Variants in KIAA0825 observed in about 807,000 individuals in gnomAD.
KIAA0825 encodes the protein KIAA0825, also known as uncharacterized protein KIAA0825.
Under a neutral mutation model 147.6 loss-of-function variants are expected in KIAA0825, and 119 were observed. The ratio of observed to expected loss-of-function variants is 0.81; its 90% CI spans 0.69 to 0.94. The LOEUF (loss-of-function observed/expected upper bound fraction) is 0.94, where lower values mean the gene tolerates loss of function less well. KIAA0825 is among the 40% of genes least tolerant of loss of function. The pLI is 0.00. For synonymous variants in KIAA0825, 470 were observed against 518.1 expected, an observed-to-expected ratio of 0.91 and a Z score of 1.26; for missense variants, 1,381 against 1,472.7, an observed-to-expected ratio of 0.94 and a Z score of 1.02.
At chr5:94,567,739 C>T (rs1778979610) in intron 2 of KIAA0825, 1 of 152,608 alleles carries the variant, frequency 6.6e-6, no homozygotes, top group Admixed American at 6.5e-5. Flanking sequence ...AAATACTCCT[C>T]CTAAACACTA....
At chr5:94,320,988 T>C (rs976506660) in intron 20 of KIAA0825, among the ~76,000 whole-genome samples, 34 of 152,090 alleles carry the variant, frequency 2.2e-4, no homozygotes, top group African/African-American at 8.0e-4. Context: ...TGACAAATTC[T>C]TTACTCTTAT....
chr5:94,356,974 C>T (rs901484866), intron 20 of KIAA0825, among the ~76,000 whole-genome samples: 2 of 151,954 alleles, frequency 1.3e-5, no homozygotes, highest in Non-Finnish European at 2.9e-5. Flanking sequence ...CCACCAGCCT[C>T]GGCCTCCCAA....
chr5:94,318,005 A>G (rs962231039), intron 20 of KIAA0825, among the ~76,000 whole-genome samples: 79 of 151,736 alleles, frequency 5.2e-4, no homozygotes, highest in African/African-American at 1.8e-3. Context: ...AAAAAAACAA[A>G]TGCCCAATTC....
chr5:94,542,576 G>A (rs965522808), intron 2 of KIAA0825, among the ~76,000 whole-genome samples: 3 of 152,302 alleles, frequency 2.0e-5, no homozygotes, highest in Non-Finnish European at 2.9e-5. Flanking sequence ...GGAGTCCGAG[G>A]CAGAGGGATC....
At chr5:94,207,096 C>T (rs1772269543) in intron 20 of KIAA0825, among the ~76,000 whole-genome samples, 1 of 152,088 alleles carries the variant, frequency 6.6e-6, no homozygotes. Context: ...GTTCTTTTCT[C>T]CTAATTAGGT....
At chr5:94,397,665 C>T (rs1297940287) in intron 16 of KIAA0825, among the ~76,000 whole-genome samples, 9 of 152,058 alleles carry the variant, frequency 5.9e-5, no homozygotes, top group African/African-American at 2.2e-4. Flanking sequence ...GGTGTTTAGC[C>T]ACATCTCTGG....
At chr5:94,445,977 C>T (rs780958029) in intron 13 of KIAA0825, among the ~76,000 whole-genome samples, 32 of 152,212 alleles carry the variant, frequency 2.1e-4, no homozygotes, top group South Asian at 1.5e-3. Flanking sequence ...TCCTCAGTCC[C>T]GCAGAGCAGT....
intron 20 of KIAA0825, among the ~76,000 whole-genome samples, chr5:94,196,785 C>A (rs573517935): frequency 6.7e-4 from 102 of 152,278 alleles, no homozygotes; most frequent in African/African-American, 2.3e-3. Context: ...CATGTTGCTG[C>A]AAAGAACATT....
intron 20 of KIAA0825, among the ~76,000 whole-genome samples, chr5:94,296,794 C>G (rs1317546496): frequency 6.6e-6 from 1 of 152,152 alleles, no homozygotes. Flanking sequence ...CACCTGCCTT[C>G]TGCATTGATC....
At chr5:94,431,165 CTAACA>C (rs1454771825) in intron 14 of KIAA0825, among the ~76,000 whole-genome samples, 1 of 152,070 alleles carries the variant, frequency 6.6e-6, no homozygotes, top group African/African-American at 2.4e-5. Context: ...TGAAGAGAAC[CTAACA>C]TAAGTTAAGT....
intron 10 of KIAA0825, among the ~76,000 whole-genome samples, chr5:94,469,469 G>T (rs1455691700): frequency 6.6e-6 from 1 of 152,178 alleles, no homozygotes; most frequent in Non-Finnish European, 1.5e-5. Context: ...ACCGCACCCG[G>T]CCTCAAATGG....
intron 20 of KIAA0825, among the ~76,000 whole-genome samples, chr5:94,254,628 C>T (rs749546431): frequency 1.8e-4 from 28 of 152,106 alleles, no homozygotes; most frequent in Admixed American, 1.5e-3. Context: ...ATTTAATGGG[C>T]TTTAATGAGC....
At chr5:94,434,149 C>G (rs1188433618) in intron 14 of KIAA0825, among the ~76,000 whole-genome samples, 1 of 152,208 alleles carries the variant, frequency 6.6e-6, no homozygotes, top group East Asian at 1.9e-4. Flanking sequence ...ACATTACCTT[C>G]TCCTGCCAAC....
intron 20 of KIAA0825, among the ~76,000 whole-genome samples, chr5:94,361,330 G>A (rs980365216): frequency 2.0e-5 from 3 of 152,132 alleles, no homozygotes; most frequent in African/African-American, 7.2e-5. Flanking sequence ...GATAAATCCT[G>A]TACCAAAAGA....
At chr5:94,576,729 C>T (rs531956310) in intron 2 of KIAA0825, among the ~76,000 whole-genome samples, 2 of 152,304 alleles carry the variant, frequency 1.3e-5, no homozygotes, top group African/African-American at 2.4e-5. Flanking sequence ...ACTTACATTG[C>T]TGCTTCATTA....
intron 13 of KIAA0825, among the ~76,000 whole-genome samples, chr5:94,442,799 G>C (rs1757250954): frequency 6.6e-6 from 1 of 152,134 alleles, no homozygotes; most frequent in South Asian, 2.1e-4. Flanking sequence ...GATCCCATTT[G>C]GCTGAAGTGT....
intron 12 of KIAA0825, among the ~76,000 whole-genome samples, chr5:94,455,225 A>T (rs573419898): frequency 6.6e-6 from 1 of 152,266 alleles, no homozygotes; most frequent in South Asian, 2.1e-4. Flanking sequence ...AGATGTAAAG[A>T]TCGTCAAAGA....
rs373870301 is a variant in KIAA0825, at chr5:94,510,207, G to C, written c.970+10041C>G. 5.2e-4 allele frequency among the ~76,000 whole-genome samples: 79 copies of C among 152,236 alleles called. No individual in the cohort carries two copies. In the South Asian group the frequency reaches 0.016, roughly 30 times the overall value. ...TACCTTGAAGGACAAACAGTATAAA[G>C]CCATTTATTCTAGATGAGCTCAGTA... On this transcript the variant is annotated intron_variant, in intron 5 of 20. Transcript: ENST00000682413.
At chr5:94,409,192 T>C (rs1752452968) in intron 15 of KIAA0825, among the ~76,000 whole-genome samples, 1 of 152,200 alleles carries the variant, frequency 6.6e-6, no homozygotes, top group Admixed American at 6.5e-5. Context: ...TTACCTGAGA[T>C]AATCATAAGT....
Sources: allele counts gnomAD v4.1 joint callset (sites outside exome capture counted in the v4.1 genomes callset), GRCh38; gene constraint gnomAD v4.1.1; transcripts MANE v1.5; gene names NCBI Gene and HGNC (gene_info 2026-07-23, HGNC 2026-07-21).